The following SNTG1 variants were observed in gnomAD, a reference collection of about 807,000 sequenced individuals.
SNTG1 encodes the protein syntrophin gamma 1, also known as gamma-1-syntrophin.
A neutral mutation model predicts 74.7 loss-of-function variants in SNTG1; 39 were observed. The ratio of observed to expected loss-of-function variants is 0.52; its 90% CI spans 0.40 to 0.68. The LOEUF (loss-of-function observed/expected upper bound fraction) is 0.68, where lower values mean the gene tolerates loss of function less well. Among genes scored for constraint, SNTG1 ranks in the 30% least tolerant of loss-of-function variants. The probability of loss-of-function intolerance (pLI) is 0.00; values close to 1 mark genes in which losing one functional copy is unlikely to be tolerated. For synonymous variants in SNTG1, 254 were observed against 217.1 expected (o/e 1.17, Z -1.49); for missense variants, 685 against 609.5 (o/e 1.12, Z -1.30).
intron 11 of SNTG1, among the ~76,000 whole-genome samples, chr8:50,549,489 C>G (rs901668228): frequency 1.3e-5 from 2 of 152,054 alleles, no homozygotes; most frequent in Non-Finnish European, 2.9e-5. Flanking sequence ...GTACTTTATT[C>G]TCTCTTTTTT....
At chr8:50,792,615 A>C (rs980730114) in intron 18 of SNTG1, 56 bp from the exon 19 acceptor site, 4 of 1,504,280 alleles carry the variant, frequency 2.7e-6, no homozygotes, top group Admixed American at 2.1e-5. Flanking sequence ...AGCTATTATA[A>C]ATTTTTAAAG....
Position 50,703,573 on chromosome 8 carries a change from T to C in SNTG1, c.1039-1027T>C, listed in dbSNP as rs541708886. ...AAGGAGTACACTAAAAAAATAGGAG[T>C]ACAGTAAATACAGTAATATTTACTG... On this transcript the variant is annotated intron_variant, in intron 15 of 18. Coordinates refer to ENST00000642720, the MANE Select transcript of SNTG1 (RefSeq NM_018967.5). 3.2e-4 allele frequency among the ~76,000 whole-genome samples: 49 copies of C among 152,132 alleles called. 1 individual carries two copies. The South Asian group carries it at 8.1e-3, about 25-fold the overall frequency.
At chr8:50,593,461 C>A (rs1585786999) in intron 13 of SNTG1, among the ~76,000 whole-genome samples, 1 of 150,782 alleles carries the variant, frequency 6.6e-6, no homozygotes, top group East Asian at 2.0e-4. Flanking sequence ...ATAAAGAAAT[C>A]AAAATCATAA....
chr8:50,484,501 C>T (rs2093773330), intron 8 of SNTG1, among the ~76,000 whole-genome samples: 1 of 151,698 alleles, frequency 6.6e-6, no homozygotes, highest in Non-Finnish European at 1.5e-5. Flanking sequence ...AGGCGTGAGC[C>T]TCCATGCCCA....
intron 1 of SNTG1, among the ~76,000 whole-genome samples, chr8:50,154,108 A>C (rs1425807872): frequency 6.6e-6 from 1 of 151,688 alleles, no homozygotes; most frequent in South Asian, 2.1e-4. Flanking sequence ...AATGGTGGGC[A>C]CCCCTCCCCC....
intron 8 of SNTG1, among the ~76,000 whole-genome samples, chr8:50,499,003 T>C (rs1183071854): frequency 2.0e-5 from 3 of 151,766 alleles, no homozygotes; most frequent in African/African-American, 7.2e-5. Flanking sequence ...TAACACAATG[T>C]CTTGATGATT....
chr8:50,693,840 C>A (rs973500450), intron 15 of SNTG1, among the ~76,000 whole-genome samples: 1 of 152,042 alleles, frequency 6.6e-6, no homozygotes, highest in Admixed American at 6.6e-5. Context: ...GAATATTAAA[C>A]AACATGCTCC....
intron 2 of SNTG1, among the ~76,000 whole-genome samples, chr8:50,267,882 T>C (rs1319694942): frequency 6.6e-6 from 1 of 152,168 alleles, no homozygotes; most frequent in Non-Finnish European, 1.5e-5. Context: ...CTAGAAATCA[T>C]GAACAAAGCA....
chr8:50,231,676 G>A (rs377208897), intron 2 of SNTG1, among the ~76,000 whole-genome samples: 27 of 151,410 alleles, frequency 1.8e-4, no homozygotes, highest in African/African-American at 4.6e-4. Context: ...AAAAAGAAAC[G>A]TTTAGAATAG....
chr8:50,116,673 T>C (rs2080835818), intron 1 of SNTG1, among the ~76,000 whole-genome samples: 1 of 152,194 alleles, frequency 6.6e-6, no homozygotes, highest in South Asian at 2.1e-4. Flanking sequence ...GGCCTATTTC[T>C]TTCTCTTGTT....
chr8:50,212,876 T>C (rs1189968593), intron 2 of SNTG1, among the ~76,000 whole-genome samples: 1 of 152,138 alleles, frequency 6.6e-6, no homozygotes, highest in Non-Finnish European at 1.5e-5. Context: ...AATAGAAGTT[T>C]TGGCTGGAAG....
At chr8:50,112,912 G>T (rs1369168642) in intron 1 of SNTG1, among the ~76,000 whole-genome samples, 1 of 152,052 alleles carries the variant, frequency 6.6e-6, no homozygotes, top group Non-Finnish European at 1.5e-5. Context: ...TAAATGTGGG[G>T]TATTATTTCT....
chr8:50,329,107 T>C lies in SNTG1; in HGVS notation c.-27-65105T>C, dbSNP rs191730031. 5.4e-3 allele frequency among the ~76,000 whole-genome samples: 822 copies of C among 152,248 alleles called. 10 individuals are homozygous for C. The highest frequency in any genetic ancestry group is 0.019 in the African/African-American group (788 of 41,546). ...TTTTACTCCATGTCTCACATCCAGG[T>C]CACACTGATGTAAAAGTTGGGCTCC... On this transcript the variant is annotated intron_variant, in intron 2 of 18. Coordinates refer to ENST00000642720, the MANE Select transcript of SNTG1 (RefSeq NM_018967.5).
chr8:50,227,921 C>CAAAAAAAA (rs60255876), intron 2 of SNTG1, among the ~76,000 whole-genome samples: 1 of 136,232 alleles, frequency 7.3e-6, no homozygotes. Context: ...AAACAACAAC[C>CAAAAAAAA]AAAAAAAAAA....
chr8:50,011,883 A>G (rs1815841411), intron 1 of SNTG1: 1 of 152,222 alleles, frequency 6.6e-6, no homozygotes, highest in African/African-American at 2.4e-5. Flanking sequence ...GCAAGTGGCA[A>G]CAACTTGAAT....
intron 10 of SNTG1, among the ~76,000 whole-genome samples, chr8:50,535,663 A>G (rs974362517): frequency 1.3e-5 from 2 of 152,218 alleles, no homozygotes; most frequent in African/African-American, 4.8e-5. Flanking sequence ...GCCACAATTA[A>G]CATAAAATGC....
chr8:50,349,526 CAG>C (rs2091582562), intron 2 of SNTG1, among the ~76,000 whole-genome samples: 2 of 152,040 alleles, frequency 1.3e-5, no homozygotes, highest in African/African-American at 4.8e-5. Context: ...ACCTGTTTGG[CAG>C]AGTTTCTCAG....
At chr8:50,250,728 C>T (rs186531941) in intron 2 of SNTG1, among the ~76,000 whole-genome samples, 137 of 152,058 alleles carry the variant, frequency 9.0e-4, no homozygotes, top group Non-Finnish European at 1.6e-3. Flanking sequence ...AAATTTCTCA[C>T]AGCCAAGAAT....
At chr8:50,532,530 T>C (rs2094277344) in intron 10 of SNTG1, among the ~76,000 whole-genome samples, 1 of 152,234 alleles carries the variant, frequency 6.6e-6, no homozygotes, top group Non-Finnish European at 1.5e-5. Flanking sequence ...CAACGTAAGT[T>C]GAGAGACTAC....
Sources: gnomAD v4.1 joint callset for allele counts (sites outside exome capture counted in the v4.1 genomes callset) on GRCh38, gnomAD v4.1.1 for gene constraint, MANE v1.5 for transcripts, NCBI Gene and HGNC (gene_info 2026-07-23, HGNC 2026-07-21) for gene names.